Variants in NID2 observed in about 807,000 individuals in gnomAD.
NID2 encodes the protein nidogen-2.
A neutral mutation model predicts 145.4 loss-of-function variants in NID2; 83 were observed. That is an observed-to-expected ratio of 0.57 (90% CI 0.48 to 0.69). The LOEUF (loss-of-function observed/expected upper bound fraction) is 0.69. NID2 is among the 30% of genes least tolerant of loss of function. The pLI, the probability that NID2 is intolerant of heterozygous loss-of-function variation, is 0.00. For synonymous variants in NID2, 739 were observed against 701.3 expected (o/e 1.05, Z -0.85); for missense variants, 1,807 against 1,765.7 (o/e 1.02, Z -0.42).
chr14:52,053,493 A>G, intron 5 of NID2, 86 bp downstream of exon 5: 1 of 1,406,236 alleles, frequency 7.1e-7, no homozygotes. Flanking sequence ...CTTTTCACCT[A>G]CCCACTTAAG....
In NID2 at chr14:52,030,568, G is replaced by GAAAAGAAAGAAAGAAC. The variant is rs1555363723; in HGVS notation, c.2258-879_2258-878insGTTCTTTCTTTCTTTT. Among the ~76,000 whole-genome samples, 363 of 37,694 alleles carry GAAAAGAAAGAAAGAAC rather than the reference G, an allele frequency of 9.6e-3. 12 individuals carry two copies. Among genetic ancestry groups the GAAAAGAAAGAAAGAAC allele is most frequent in the African/African-American group, 0.032 (342 of 10,748 alleles). The allele number at this position is 37,694 out of a possible 152,430, so 24.7% of individuals were successfully genotyped here. On this transcript the variant is annotated intron_variant, in intron 9 of 21. Coordinates refer to ENST00000216286, the MANE Select transcript of NID2 (RefSeq NM_007361.4). ...AGAAAGAAAGAAAGAAAGAAAGAAA[G>GAAAAGAAAGAAAGAAC]GAAGGAAGGGAAAGAAAGAAAGAAA...
Position 52,048,167 on chromosome 14 carries a change from G to A in NID2, c.1430-5236C>T, listed in dbSNP as rs528725684. On this transcript the variant is annotated intron_variant, in intron 5 of 21. Coordinates refer to ENST00000216286, the MANE Select transcript of NID2 (RefSeq NM_007361.4). ...TGGGCAGAATGTTAGGAAATTTCTC[G>A]TGCTCATTTCTGGCCACCTGAGAAG... Among the ~76,000 whole-genome samples, 316 of 152,262 alleles carry A rather than the reference G, an allele frequency of 2.1e-3. 1 individual carries two copies. The highest frequency in any genetic ancestry group is 6.8e-3 in the Middle Eastern group (2 of 294).
At chr14:52,033,269 A>C (rs1253963660) in intron 9 of NID2, among the ~76,000 whole-genome samples, 1 of 152,036 alleles carries the variant, frequency 6.6e-6, no homozygotes, top group Non-Finnish European at 1.5e-5. Context: ...GGTTTTCCTT[A>C]AAGGAACAGT....
Position 52,010,876 on chromosome 14 carries a change from C to T in NID2, c.3722G>A (p.Gly1241Asp). The part of the protein sequence containing the change: ...PRAIAVDPIR[G>D]NLYWTDWNRE... ...GAAGAATTAGGGAAGCCCAGCTGACCCTCGGATTGGATCCACAGCGATGGC... is the reference window on the plus strand; with the variant it reads ...GAAGAATTAGGGAAGCCCAGCTGACTCTCGGATTGGATCCACAGCGATGGC... Residue 1241 changes from glycine to aspartate, a missense_variant and splice_region_variant, in exon 18 of 22, where the codon GGC becomes GAC. Physicochemically the swap from Gly to Asp is moderately conservative, Grantham distance 94 (BLOSUM62 -1). Transcript: ENST00000216286. 6.2e-7 allele frequency: 1 copy of T among 1,611,578 alleles called. No homozygotes were observed. Among genetic ancestry groups the T allele is most frequent in the South Asian group, 1.1e-5 (1 of 90,992 alleles).
intron 8 of NID2, among the ~76,000 whole-genome samples, chr14:52,039,568 A>T (rs1329981276): frequency 2.0e-5 from 3 of 152,152 alleles, no homozygotes; most frequent in Non-Finnish European, 4.4e-5. Flanking sequence ...CATTTTGTTC[A>T]CAGCCCAGGT....
intron 5 of NID2, among the ~76,000 whole-genome samples, chr14:52,048,552 T>G (rs1489809646): frequency 6.6e-6 from 1 of 152,068 alleles, no homozygotes; most frequent in African/African-American, 2.4e-5. Context: ...CATGTCCCTA[T>G]CATGGCTTTG....
rs750108266 is a variant in NID2 at position 52,014,462 on chromosome 14, GGA to G, written c.3251-8_3251-7del. The G allele has an allele frequency of 2.5e-6, 4 of 1,602,678 alleles. No individual in the cohort carries two copies. Among genetic ancestry groups the G allele is most frequent in the African/African-American group, 1.3e-5 (1 of 74,966 alleles). On this transcript the variant is annotated splice_region_variant and splice_polypyrimidine_tract_variant and intron_variant, in intron 15 of 21. Transcript: ENST00000216286. ...TGGAGCGACGGTGGGTATACCTGTG[GGA>G]GAGAGGGTGGGAGAGCAGGAAGGGG...
chr14:52,047,465 C>T (rs972606017), intron 5 of NID2, among the ~76,000 whole-genome samples: 15 of 151,984 alleles, frequency 9.9e-5, no homozygotes, highest in African/African-American at 3.4e-4. Context: ...TGCAGGGTCT[C>T]AGAGATCACA....
At position 52,015,256 on chromosome 14, in the gene NID2, C is replaced by T. The variant is rs764094695; in HGVS notation, c.3048G>A (p.Pro1016=). Residue 1016 remains proline (P), a synonymous_variant, in exon 15 of 22, where the codon CCG becomes CCA. Coordinates refer to ENST00000216286, the MANE Select transcript of NID2 (RefSeq NM_007361.4). ...GPSPEPTQRP[P]TICERWRENL... The stretch of plus-strand genomic sequence containing the variant: ...TTTCCCTCCAGCGCTCACAGATGGT[C>T]GGGGGCCTCTGGGTGGGCTCTGAGC... 4.1e-5 allele frequency: 66 copies of T among 1,611,354 alleles called. No individual in the cohort carries two copies. The highest frequency in any genetic ancestry group is 5.3e-5 in the Non-Finnish European group (63 of 1,177,860).
At chr14:52,020,975 C>T (rs569462066) in intron 12 of NID2, among the ~76,000 whole-genome samples, 5 of 152,042 alleles carry the variant, frequency 3.3e-5, no homozygotes, top group South Asian at 4.2e-4. Context: ...TAATGAAATC[C>T]GCATATGCCG....
chr14:52,015,378 C>T, intron 14 of NID2, 103 bp from the exon 15 acceptor site: 1 of 1,094,348 alleles, frequency 9.1e-7, no homozygotes, highest in Non-Finnish European at 1.3e-6. Context: ...CCTGGCCTTC[C>T]TTCTCCTACT....
chr14:52,029,484 G>A (rs1415524334), intron 10 of NID2, 63 bp downstream of exon 10: 9 of 1,528,740 alleles, frequency 5.9e-6, no homozygotes, highest in Non-Finnish European at 9.0e-7. Context: ...ACAGACATAA[G>A]GCTGGGGAGG....
intron 12 of NID2, among the ~76,000 whole-genome samples, chr14:52,025,170 G>A (rs945681841): frequency 2.0e-5 from 3 of 152,160 alleles, no homozygotes; most frequent in Non-Finnish European, 2.9e-5. Flanking sequence ...TGTTCCACAC[G>A]AAGGAAAAGC....
chr14:52,067,380 G>C (rs1327695250), intron 2 of NID2, among the ~76,000 whole-genome samples: 1 of 152,184 alleles, frequency 6.6e-6, no homozygotes. Context: ...ATTGTTAATA[G>C]ACAGCAATAA....
chr14:52,027,467 C>T, intron 11 of NID2, 123 bp from the exon 12 acceptor site: 6 of 763,830 alleles, frequency 7.9e-6, no homozygotes, highest in Non-Finnish European at 1.1e-5. Flanking sequence ...TCAGACCCTA[C>T]CCAAGGTCCA....
In NID2 at chr14:52,029,595, T is replaced by C; in HGVS notation, c.2353A>G (p.Thr785Ala). 1 of 1,613,708 alleles carries C rather than the reference T, an allele frequency of 6.2e-7. No homozygotes were observed. Among genetic ancestry groups the C allele is most frequent in the African/African-American group, 1.3e-5 (1 of 74,982 alleles). Residue 785 changes from threonine to alanine, a missense_variant, in exon 10 of 22, where the codon ACC becomes GCC. By Grantham distance (58) the Thr-to-Ala change is moderately conservative (BLOSUM62 0). Transcript: ENST00000216286. ...RCHPGTGVDY[T>A]CECASGYQGD... Reference sequence around the variant, plus strand: ...TGGTACCCAGATGCGCACTCACAGGTGTAATCTACACCTGTCCCTGGATGG... The same window carrying C: ...TGGTACCCAGATGCGCACTCACAGGCGTAATCTACACCTGTCCCTGGATGG...
intron 9 of NID2, among the ~76,000 whole-genome samples, chr14:52,032,713 C>G (rs1180080566): frequency 1.3e-5 from 2 of 151,662 alleles, no homozygotes; most frequent in African/African-American, 2.4e-5. Flanking sequence ...TCAGTACTTT[C>G]CAGCATCAAA....
intron 20 of NID2, 200 bp from the exon 21 acceptor site, chr14:52,006,049 A>G (rs766404029): frequency 4.5e-5 from 25 of 560,032 alleles, no homozygotes; most frequent in Non-Finnish European, 7.4e-5. Flanking sequence ...TTAGAATCAC[A>G]TGATGAGCTA....
At chr14:52,024,435 C>T (rs1421944090) in intron 12 of NID2, among the ~76,000 whole-genome samples, 2 of 152,174 alleles carry the variant, frequency 1.3e-5, no homozygotes, top group African/African-American at 2.4e-5. Flanking sequence ...TCCAATGGTC[C>T]TCAAAGAACC....
Sources: allele counts gnomAD v4.1 joint callset (sites outside exome capture counted in the v4.1 genomes callset), GRCh38; gene constraint gnomAD v4.1.1; transcripts MANE v1.5; gene names NCBI Gene and HGNC (gene_info 2026-07-23, HGNC 2026-07-21).